Variants in PRKDC observed in about 807,000 individuals in gnomAD.
PRKDC encodes the protein DNA-dependent protein kinase catalytic subunit.
Under a neutral mutation model 486.9 loss-of-function variants are expected in PRKDC, and 82 were observed. The ratio of observed to expected loss-of-function variants is 0.17; its 90% CI spans 0.14 to 0.20. PRKDC has a LOEUF of 0.20. Ranked by LOEUF, PRKDC falls within the 10% of genes least tolerant of loss-of-function variation. The probability of loss-of-function intolerance (pLI) is 1.00; values close to 1 mark genes in which losing one functional copy is unlikely to be tolerated. For missense variants in PRKDC, 4,504 were observed against 5,038.2 expected, an observed-to-expected ratio of 0.89 and a Z score of 3.21; for synonymous variants, 1,895 against 1,837.0, an observed-to-expected ratio of 1.03 and a Z score of -0.81.
intron 61 of PRKDC, 118 bp from the exon 62 acceptor site, chr8:47,828,465 A>G: frequency 1.3e-6 from 1 of 797,130 alleles, no homozygotes; most frequent in Non-Finnish European, 1.9e-6. Flanking sequence ...TATACCTCTC[A>G]ATTCTATTTG....
At chr8:47,951,057 G>A (rs1020083964) in intron 7 of PRKDC, among the ~76,000 whole-genome samples, 2 of 152,146 alleles carry the variant, frequency 1.3e-5, no homozygotes, top group Admixed American at 1.3e-4. Flanking sequence ...AATCAACACA[G>A]TGAAAAGGCA....
At chr8:47,851,882 G>A (rs1158052216) in intron 52 of PRKDC, among the ~76,000 whole-genome samples, 2 of 152,122 alleles carry the variant, frequency 1.3e-5, no homozygotes, top group Non-Finnish European at 2.9e-5. Context: ...GATCCACAGA[G>A]CACCTTATCC....
chr8:47,818,217 G>A (rs1050008834), intron 67 of PRKDC, among the ~76,000 whole-genome samples: 1 of 152,124 alleles, frequency 6.6e-6, no homozygotes, highest in African/African-American at 2.4e-5. Flanking sequence ...GCTTAGGCAA[G>A]TCATTCAATC....
intron 40 of PRKDC, among the ~76,000 whole-genome samples, chr8:47,875,147 A>C (rs2089064500): frequency 1.3e-5 from 2 of 152,226 alleles, no homozygotes; most frequent in African/African-American, 4.8e-5. Flanking sequence ...GGGTGTATTC[A>C]CACATTTTAT....
At chr8:47,841,672 G>A (rs1481964317) in intron 54 of PRKDC, among the ~76,000 whole-genome samples, 1 of 152,234 alleles carries the variant, frequency 6.6e-6, no homozygotes, top group Admixed American at 6.5e-5. Context: ...AGTAGAGTGA[G>A]ACGTGGGTTT....
At position 47,904,960 on chromosome 8, in the gene PRKDC, T is replaced by C. The variant is rs1426954599; in HGVS notation, c.2951A>G (p.Tyr984Cys). The change falls in exon 26 of 86, where the codon TAT (tyrosine) becomes TGT (cysteine). Residue 984 changes from tyrosine to cysteine, a missense_variant. Physicochemically the swap from Tyr to Cys is radical, Grantham distance 194. Transcript: ENST00000314191. ...CDVDQVTRQLYEPLVMQLIHW... is the reference protein window; with the variant it reads ...CDVDQVTRQLCEPLVMQLIHW... ...AATCAGCTGCATAACTAGTGGCTCA[T>C]ACAGTTGCCTTGTCACCTGAAGAAA... The C allele has an allele frequency of 6.2e-7, 1 of 1,612,800 alleles. No homozygotes were observed. Among genetic ancestry groups the C allele is most frequent in the South Asian group, 1.1e-5 (1 of 90,900 alleles).
At chr8:47,805,308 T>C (rs2087196703) in intron 69 of PRKDC, 1 of 152,226 alleles carries the variant, frequency 6.6e-6, no homozygotes, top group Non-Finnish European at 1.5e-5. Context: ...ATCTGTGTAT[T>C]TGCTTCCAGC....
intron 84 of PRKDC, among the ~76,000 whole-genome samples, chr8:47,777,357 C>T (rs1405236913): frequency 6.6e-6 from 1 of 152,004 alleles, no homozygotes; most frequent in East Asian, 1.9e-4. Context: ...TACAGGTGTG[C>T]GTTACCACGC....
chr8:47,829,749 A>G (rs1589726194), intron 61 of PRKDC, among the ~76,000 whole-genome samples: 1 of 152,188 alleles, frequency 6.6e-6, no homozygotes, highest in Admixed American at 6.5e-5. Flanking sequence ...GAGAACTAAA[A>G]AACACTGCCG....
chr8:47,936,380 A>G lies in PRKDC; in HGVS notation c.1251T>C (p.Val417=), dbSNP rs1319072436. The part of the protein sequence containing the change: ...VYQMPSFLQS[V]ASVLLYLDTV... ...TGTCAAGGTACAGCAAGACGCTTGC[A>G]ACAGACTGGAGGAAGCTTGGCATCT... Residue 417 remains valine, a synonymous_variant, in exon 12 of 86, where the codon GTT becomes GTC. Transcript: ENST00000314191. 4 of 1,613,708 alleles carry G rather than the reference A, an allele frequency of 2.5e-6. No homozygotes were observed. The South Asian group carries it at 4.4e-5, about 18-fold the overall frequency.
intron 57 of PRKDC, among the ~76,000 whole-genome samples, 190 bp from the exon 58 acceptor site, chr8:47,836,717 T>G (rs2088033139): frequency 6.6e-6 from 1 of 152,228 alleles, no homozygotes; most frequent in Admixed American, 6.5e-5. Context: ...CTAGAAAAAC[T>G]AGTTAACTAT....
chr8:47,872,682 A>G (rs1230330930), intron 40 of PRKDC, among the ~76,000 whole-genome samples: 2 of 152,142 alleles, frequency 1.3e-5, no homozygotes, highest in East Asian at 3.8e-4. Context: ...AAAGTATAAA[A>G]AGGGATTTTT....
chr8:47,913,831 A>C, intron 24 of PRKDC, 70 bp downstream of exon 24: 1 of 1,374,698 alleles, frequency 7.3e-7, no homozygotes, highest in South Asian at 1.9e-5. Context: ...CATGTTCTCT[A>C]TATCCTAAGC....
intron 52 of PRKDC, among the ~76,000 whole-genome samples, chr8:47,851,279 T>C (rs938723008): frequency 1.3e-5 from 2 of 152,250 alleles, no homozygotes; most frequent in African/African-American, 4.8e-5. Context: ...GCTCCATTTA[T>C]GGTGGAAATG....
rs369585515 is a variant in PRKDC at position 47,857,250 on chromosome 8, G to A, written c.6515C>T (p.Ala2172Val). Reference protein sequence around the residue: ...KHWLSPLLQLAASENNGGEGI... With the variant: ...KHWLSPLLQLVASENNGGEGI... ...TTCTCCTCCATTGTTTTCAGAAGCA[G>A]CCAGCTGCAGCAAGGGGCTAAGCCA... The change falls in exon 49 of 86, where the codon GCT becomes GTT. Residue 2172 changes from alanine (A) to valine (V), a missense_variant. This residue lies in a region of PRKDC where 1,592 missense variants were observed against 1,724.6 expected (regional missense o/e 0.92). Coordinates refer to ENST00000314191, the MANE Select transcript of PRKDC (RefSeq NM_006904.7). The A allele has an allele frequency of 1.2e-4, 197 of 1,613,836 alleles. No homozygotes were observed. The highest frequency in any genetic ancestry group is 1.6e-4 in the Non-Finnish European group (192 of 1,179,844).
intron 40 of PRKDC, among the ~76,000 whole-genome samples, chr8:47,875,678 T>C (rs1257483294): frequency 6.6e-6 from 1 of 152,246 alleles, no homozygotes; most frequent in African/African-American, 2.4e-5. Context: ...AAGGGCTATT[T>C]AGAAATATAT....
At position 47,826,754 on chromosome 8, in the gene PRKDC, C is replaced by T. The variant is rs547408689; in HGVS notation, c.8685G>A (p.Glu2895=). The T allele has an allele frequency of 4.7e-4, 766 of 1,612,966 alleles. 10 individuals are homozygous for T. In the South Asian group the frequency reaches 7.9e-3, roughly 17 times the overall value. ...CAGCAGGCAGCAGGCGGAGCAGAGC[C>T]TCCTCTAGCAGGCGGATGCCCACGG... ...QQPVGIRLLE[E]ALLRLLPAEL... Residue 2895 remains glutamate (E), a synonymous_variant, in exon 63 of 86, where the codon GAG becomes GAA. Coordinates refer to ENST00000314191, the MANE Select transcript of PRKDC (RefSeq NM_006904.7).
chr8:47,928,506 G>C (rs145597584), intron 19 of PRKDC, among the ~76,000 whole-genome samples: 2,173 of 151,742 alleles, frequency 0.014, 40 homozygotes, highest in African/African-American at 0.042. Flanking sequence ...TAGGACCTTA[G>C]TCCCGCTCCA....
chr8:47,897,394 T>A (rs910577415), intron 29 of PRKDC, 100 bp from the exon 30 acceptor site: 32 of 1,192,988 alleles, frequency 2.7e-5, no homozygotes, highest in Non-Finnish European at 2.2e-6. Context: ...CACACAGATA[T>A]ATGTAGAAAT....
Sources: gnomAD v4.1 joint callset for allele counts (sites outside exome capture counted in the v4.1 genomes callset) on GRCh38, gnomAD v4.1.1 for gene constraint, gnomAD v4.1.1 regional missense constraint, MANE v1.5 for transcripts, NCBI Gene and HGNC (gene_info 2026-07-23, HGNC 2026-07-21) for gene names.